The following TTI2 variants were observed in gnomAD, a reference collection of about 807,000 sequenced individuals.
The protein encoded by TTI2 is TELO2-interacting protein 2.
TTI2 carries 26 observed loss-of-function variants against 44.9 expected under a neutral mutation model. That is an observed-to-expected ratio of 0.58 (90% confidence interval 0.42 to 0.80). The LOEUF is 0.80. Ranked by LOEUF, TTI2 falls within the 30% of genes least tolerant of loss-of-function variation. The probability of loss-of-function intolerance (pLI) is 0.00; values close to 1 mark genes in which losing one functional copy is unlikely to be tolerated. For synonymous variants in TTI2, 254 were observed against 250.9 expected (o/e 1.01, Z -0.12); for missense variants, 582 against 611.6 (o/e 0.95, Z 0.51).
At chr8:33,507,874 A>G (rs1327880850) in intron 3 of TTI2, among the ~76,000 whole-genome samples, 1 of 151,120 alleles carries the variant, frequency 6.6e-6, no homozygotes, top group African/African-American at 2.4e-5. Flanking sequence ...CTGTAGTCCC[A>G]GCTACTTGGG....
chr8:33,512,527 G>A lies in TTI2; in HGVS notation c.87C>T (p.Ala29=). The A allele has an allele frequency of 1.9e-6, 3 of 1,614,136 alleles. No homozygotes were observed. Among genetic ancestry groups the A allele is most frequent in the African/African-American group, 1.3e-5 (1 of 75,026 alleles). ...EELSHSAFGQ[A]FSKILHCLAR... Reference sequence around the variant, plus strand: ...CAAGACAGTGTAAAATCTTGGAGAAGGCCTGTCCAAAGGCGGAGTGAGACA... The same window carrying A: ...CAAGACAGTGTAAAATCTTGGAGAAAGCCTGTCCAAAGGCGGAGTGAGACA... Residue 29 remains alanine (A), a synonymous_variant, in exon 2 of 8, where the codon GCC becomes GCT. Coordinates refer to ENST00000431156, the MANE Select transcript of TTI2 (RefSeq NM_001102401.4).
chr8:33,504,916 TTAAAA>T (rs1371875829), intron 4 of TTI2, among the ~76,000 whole-genome samples: 1 of 152,184 alleles, frequency 6.6e-6, no homozygotes, highest in Non-Finnish European at 1.5e-5. Flanking sequence ...TACCCAGTAT[TTAAAA>T]TACTGTAAAA....
In TTI2 at chr8:33,499,113, CCATT is replaced by C. The variant is rs532032349; in HGVS notation, c.*56_*59del. The C allele has an allele frequency of 3.6e-4, 475 of 1,328,344 alleles. 1 individual carries two copies. The African/African-American group carries it at 6.5e-3, about 18-fold the overall frequency. 82.3% of individuals were successfully genotyped at this position (1,328,344 alleles called of 1,614,324 possible). On this transcript the variant is annotated 3_prime_UTR_variant, in exon 8 of 8. Transcript: ENST00000431156. ...AAATATCTTTTTTTCTTAAATAACTCCATTCATACAAATTGGGATGGGAAGAAAA... is the reference window on the plus strand; with the variant it reads ...AAATATCTTTTTTTCTTAAATAACTCCATACAAATTGGGATGGGAAGAAAA...
chr8:33,507,397 A>C, intron 3 of TTI2, 76 bp from the exon 4 acceptor site: 1 of 1,294,134 alleles, frequency 7.7e-7, no homozygotes, highest in Non-Finnish European at 1.1e-6. Flanking sequence ...TTGAAATTGG[A>C]TTATGGGTAT....
Position 33,509,730 on chromosome 8 carries a change from G to T in TTI2, c.834+16C>A. On this transcript the variant is annotated intron_variant, in intron 3 of 7. Transcript: ENST00000431156. ...TCTGTCCTGTCAACACAGATGACAAGCCAGAGGTTGCTTACCACATTAAGC... is the reference window on the plus strand; with the variant it reads ...TCTGTCCTGTCAACACAGATGACAATCCAGAGGTTGCTTACCACATTAAGC... The T allele has an allele frequency of 6.2e-7, 1 of 1,613,252 alleles. No individual in the cohort carries two copies. Among genetic ancestry groups the T allele is most frequent in the Non-Finnish European group, 8.5e-7 (1 of 1,179,284 alleles).
intron 2 of TTI2, 119 bp downstream of exon 2, chr8:33,511,848 C>T: frequency 8.4e-7 from 1 of 1,185,406 alleles, no homozygotes; most frequent in Non-Finnish European, 1.2e-6. Context: ...GAGATCGCAA[C>T]ATTGCACTCC....
chr8:33,501,307 C>G (rs570252985), intron 6 of TTI2: 4 of 152,258 alleles, frequency 2.6e-5, no homozygotes, highest in African/African-American at 9.6e-5. Flanking sequence ...CTAAATACTC[C>G]TCATTTTCCT....
In TTI2 at chr8:33,513,113, A is replaced by G; in HGVS notation, c.-131T>C. On this transcript the variant is annotated 5_prime_UTR_variant, in exon 1 of 8. Transcript: ENST00000431156. Reference sequence around the variant, plus strand: ...CGGCTCGCGCCCGCCGGTGTCTAACAGGATCCGGACCTAGCTCATATTGCT... The same window carrying G: ...CGGCTCGCGCCCGCCGGTGTCTAACGGGATCCGGACCTAGCTCATATTGCT... 1 of 160,642 alleles carries G rather than the reference A, an allele frequency of 6.2e-6. No homozygotes were observed. 10.0% of individuals were successfully genotyped at this position (160,642 alleles called of 1,614,324 possible). A position where few individuals can be genotyped will look rare whatever the true frequency, so the allele number is the denominator to read the frequency against.
intron 7 of TTI2, chr8:33,500,101 G>A (rs1809011070): frequency 2.0e-6 from 1 of 505,284 alleles, no homozygotes; most frequent in Non-Finnish European, 3.6e-6. Flanking sequence ...CCAGTGACAT[G>A]TGCTGATCCT....
At chr8:33,506,373 C>G (rs1472449711) in intron 4 of TTI2, among the ~76,000 whole-genome samples, 1 of 149,850 alleles carries the variant, frequency 6.7e-6, no homozygotes, top group African/African-American at 2.5e-5. Context: ...CATAAAGCTG[C>G]CTCCAAAGTA....
intron 4 of TTI2, among the ~76,000 whole-genome samples, chr8:33,506,786 G>A (rs562698248): frequency 1.3e-5 from 2 of 151,674 alleles, no homozygotes; most frequent in South Asian, 2.1e-4. Flanking sequence ...TCCGCCACCC[G>A]GGTTCAAATG....
rs763016834 is a variant in TTI2 at position 33,512,296 on chromosome 8, G to C, written c.318C>G (p.His106Gln). ...SKEEEGGGDG[H>Q]SEAAEKAAQV... Reference sequence around the variant, plus strand: ...GGGCTGCTTTCTCGGCCGCTTCGGAGTGCCCATCACCTCCACCTTCCTCCT... The same window carrying C: ...GGGCTGCTTTCTCGGCCGCTTCGGACTGCCCATCACCTCCACCTTCCTCCT... The change falls in exon 2 of 8, where the codon CAC becomes CAG. Residue 106 changes from histidine (H) to glutamine (Q), a missense_variant. His to Gln is a conservative substitution (Grantham distance 24, BLOSUM62 0). Transcript: ENST00000431156. 2.5e-6 allele frequency: 4 copies of C among 1,614,060 alleles called. No individual in the cohort carries two copies. The African/African-American group carries it at 5.3e-5, about 22-fold the overall frequency.
intron 5 of TTI2, 61 bp from the exon 6 acceptor site, chr8:33,503,633 T>A: frequency 6.2e-7 from 1 of 1,608,196 alleles, no homozygotes; most frequent in East Asian, 2.2e-5. Context: ...ATCCCAGTAC[T>A]TTGGGAGGCT....
At chr8:33,505,449 C>A (rs1482944276) in intron 4 of TTI2, among the ~76,000 whole-genome samples, 1 of 151,990 alleles carries the variant, frequency 6.6e-6, no homozygotes, top group Admixed American at 6.6e-5. Flanking sequence ...TCAACCCAAA[C>A]CTAGTTAGTT....
intron 3 of TTI2, 56 bp downstream of exon 3, chr8:33,509,690 C>A: frequency 6.6e-7 from 1 of 1,510,646 alleles, no homozygotes; most frequent in Non-Finnish European, 9.2e-7. Context: ...TGAAGAACAG[C>A]CAGGAATGAC....
rs73672097 is a variant in TTI2 at position 33,507,448 on chromosome 8, T to G, written c.835-127A>C. 560 of 798,902 alleles carry G rather than the reference T, an allele frequency of 7.0e-4. 3 individuals are homozygous for G. The African/African-American group carries it at 7.8e-3, about 11-fold the overall frequency. The allele number at this position is 798,902 out of a possible 1,614,324, so 49.5% of individuals were successfully genotyped here. On this transcript the variant is annotated intron_variant, in intron 3 of 7. Coordinates refer to ENST00000431156, the MANE Select transcript of TTI2 (RefSeq NM_001102401.4). ...TGCCATCCCAAAATATGCATGATTG[T>G]TTCGAGTTGAAAATATTGCAGAAAC...
chr8:33,512,283 C>G lies in TTI2; in HGVS notation c.331G>C (p.Glu111Gln). ...GGGDGHSEAAEKAAQVGLLFL... is the reference protein window; with the variant it reads ...GGGDGHSEAAQKAAQVGLLFL... ...AGTAACCCAACTTGGGCTGCTTTCT[C>G]GGCCGCTTCGGAGTGCCCATCACCT... is the stretch of plus-strand genomic sequence containing the variant. The change falls in exon 2 of 8, where the codon GAG (glutamate) becomes CAG (glutamine). Residue 111 changes from glutamate (E) to glutamine (Q), a missense_variant. By Grantham distance (29) the Glu-to-Gln change is conservative. Transcript: ENST00000431156. The G allele has an allele frequency of 6.2e-7, 1 of 1,614,212 alleles. No individual in the cohort carries two copies. The highest frequency in any genetic ancestry group is 8.5e-7 in the Non-Finnish European group (1 of 1,180,038).
chr8:33,504,015 T>G, intron 4 of TTI2, 80 bp from the exon 5 acceptor site: 1 of 1,439,140 alleles, frequency 6.9e-7, no homozygotes, highest in Non-Finnish European at 9.7e-7. Context: ...TAGAACTTCA[T>G]TAATCTACCG....
At chr8:33,511,862 C>A in intron 2 of TTI2, 105 bp downstream of exon 2, 1 of 1,342,074 alleles carries the variant, frequency 7.5e-7, no homozygotes. Context: ...GCACTCCACC[C>A]TGGGCAACAA....
Sources: allele counts gnomAD v4.1 joint callset (sites outside exome capture counted in the v4.1 genomes callset), GRCh38; gene constraint gnomAD v4.1.1; transcripts MANE v1.5; gene names NCBI Gene and HGNC (gene_info 2026-07-23, HGNC 2026-07-21).